The following MCU variants were observed in gnomAD, a reference collection of about 807,000 sequenced individuals.
MCU encodes the protein calcium uniporter protein, mitochondrial.
In MCU, 12 loss-of-function variants were observed where a neutral mutation model predicts 45.2. That is an observed-to-expected ratio of 0.27 (90% CI 0.17 to 0.43). The LOEUF (loss-of-function observed/expected upper bound fraction) is 0.43, where lower values mean the gene tolerates loss of function less well. Ranked by LOEUF, MCU falls within the 20% of genes least tolerant of loss-of-function variation. MCU has a pLI of 1.00. For missense variants in MCU, 324 were observed against 436.7 expected (o/e 0.74, Z 2.30); for synonymous variants, 160 against 165.1 (o/e 0.97, Z 0.24).
chr10:72,763,087 G>C (rs1343729805), intron 1 of MCU, among the ~76,000 whole-genome samples: 1 of 152,038 alleles, frequency 6.6e-6, no homozygotes, highest in Non-Finnish European at 1.5e-5. Flanking sequence ...TGGTTCTCTG[G>C]AGCTGGAACA....
chr10:72,704,577 C>T (rs1842795358), intron 1 of MCU, among the ~76,000 whole-genome samples: 1 of 152,070 alleles, frequency 6.6e-6, no homozygotes, highest in African/African-American at 2.4e-5. Context: ...CTTCCTCTGT[C>T]ACCCAGGCCG....
rs150076629 is a variant in MCU, at chr10:72,842,040, C to T, written c.220+7612C>T. Among the ~76,000 whole-genome samples, 4 of 152,250 alleles carry T rather than the reference C, an allele frequency of 2.6e-5. No individual in the cohort carries two copies. In the East Asian group the frequency reaches 7.7e-4, roughly 29 times the overall value. ...GGCAGAAAAATCATAAACTCTTAGC[C>T]AAGCTATTGCTCTGAGTAAGGTAAA... On this transcript the variant is annotated intron_variant, in intron 2 of 7. Transcript: ENST00000373053.
intron 1 of MCU, among the ~76,000 whole-genome samples, chr10:72,805,157 TTCTGTC>T (rs1335757550): frequency 1.5e-4 from 21 of 138,010 alleles, no homozygotes; most frequent in African/African-American, 5.2e-4. Context: ...CTTTCTTTCT[TTCTGTC>T]TCTCTCTCTC....
At chr10:72,877,269 A>G (rs1257418671) in intron 6 of MCU, among the ~76,000 whole-genome samples, 1 of 152,170 alleles carries the variant, frequency 6.6e-6, no homozygotes, top group African/African-American at 2.4e-5. Flanking sequence ...TGCTCAGTAA[A>G]TGATTGTTGC....
chr10:72,709,328 A>G (rs1341921445), intron 1 of MCU, among the ~76,000 whole-genome samples: 1 of 152,228 alleles, frequency 6.6e-6, no homozygotes, highest in Non-Finnish European at 1.5e-5. Context: ...TCATTTTAAA[A>G]CAATACAGAT....
intron 6 of MCU, among the ~76,000 whole-genome samples, chr10:72,881,755 G>A (rs1485590016): frequency 6.6e-6 from 1 of 152,182 alleles, no homozygotes; most frequent in Non-Finnish European, 1.5e-5. Context: ...GCCAATAATA[G>A]ATTAAATGGA....
intron 1 of MCU, among the ~76,000 whole-genome samples, chr10:72,717,706 C>T (rs1003009799): frequency 2.0e-5 from 3 of 152,110 alleles, no homozygotes; most frequent in African/African-American, 7.2e-5. Flanking sequence ...ATGCTTTCCT[C>T]ATATATCTAT....
At chr10:72,827,119 TAGTTAG>T (rs1166288541) in intron 1 of MCU, among the ~76,000 whole-genome samples, 1 of 152,190 alleles carries the variant, frequency 6.6e-6, no homozygotes, top group Non-Finnish European at 1.5e-5. Flanking sequence ...AACGGGGGAA[TAGTTAG>T]AGTTTCTGTT....
intron 1 of MCU, among the ~76,000 whole-genome samples, chr10:72,765,801 A>G (rs1377280317): frequency 6.6e-6 from 1 of 151,494 alleles, no homozygotes; most frequent in Non-Finnish European, 1.5e-5. Flanking sequence ...AAAAAAAAAA[A>G]AAAAAAAGAA....
chr10:72,846,549 T>C (rs947268429), intron 2 of MCU, among the ~76,000 whole-genome samples: 1 of 152,212 alleles, frequency 6.6e-6, no homozygotes, highest in Non-Finnish European at 1.5e-5. Context: ...AAGTAACCCT[T>C]ATTTTACTTA....
At chr10:72,830,697 C>T (rs1033074348) in intron 1 of MCU, among the ~76,000 whole-genome samples, 13 of 152,190 alleles carry the variant, frequency 8.5e-5, no homozygotes, top group African/African-American at 2.4e-5. Context: ...GATAAAAATA[C>T]AGACCCCATC....
intron 1 of MCU, among the ~76,000 whole-genome samples, chr10:72,784,075 G>A (rs143666336): frequency 1.1e-4 from 17 of 152,296 alleles, no homozygotes; most frequent in South Asian, 8.3e-4. Flanking sequence ...GCCGGGCACC[G>A]TTGGATGGTG....
At chr10:72,698,604 A>G (rs933052685) in intron 1 of MCU, among the ~76,000 whole-genome samples, 2 of 152,172 alleles carry the variant, frequency 1.3e-5, no homozygotes, top group African/African-American at 2.4e-5. Flanking sequence ...TCTCGGGTTC[A>G]AGCAATTCTT....
At chr10:72,879,817 G>A (rs996599131) in intron 6 of MCU, among the ~76,000 whole-genome samples, 1 of 152,094 alleles carries the variant, frequency 6.6e-6, no homozygotes, top group African/African-American at 2.4e-5. Context: ...AGGCTGAGGC[G>A]GGCAGATCAT....
intron 1 of MCU, among the ~76,000 whole-genome samples, chr10:72,819,462 A>C (rs1844677068): frequency 6.6e-6 from 1 of 152,164 alleles, no homozygotes; most frequent in Non-Finnish European, 1.5e-5. Context: ...ATTTTTTATC[A>C]GTAAGTTTGG....
intron 1 of MCU, among the ~76,000 whole-genome samples, chr10:72,822,173 G>A (rs575739088): frequency 2.0e-5 from 3 of 152,296 alleles, no homozygotes; most frequent in Non-Finnish European, 4.4e-5. Flanking sequence ...CTAGGAGGCT[G>A]AGGCAGGAGA....
chr10:72,841,776 A>G (rs979866646), intron 2 of MCU, among the ~76,000 whole-genome samples: 5 of 152,154 alleles, frequency 3.3e-5, no homozygotes, highest in Middle Eastern at 3.2e-3. Flanking sequence ...TTAGGCCTAA[A>G]AGTTTTGCCT....
At chr10:72,839,411 GCTCT>G (rs1845012513) in intron 2 of MCU, among the ~76,000 whole-genome samples, 2 of 151,872 alleles carry the variant, frequency 1.3e-5, no homozygotes, top group Non-Finnish European at 2.9e-5. Flanking sequence ...CCACTAATTT[GCTCT>G]CTGTCTCTGT....
chr10:72,702,736 G>A (rs1224453773), intron 1 of MCU, among the ~76,000 whole-genome samples: 1 of 152,166 alleles, frequency 6.6e-6, no homozygotes, highest in Non-Finnish European at 1.5e-5. Context: ...CAACGCTTTG[G>A]GAGGCTGAGG....
Sources: gnomAD v4.1 joint callset for allele counts (sites outside exome capture counted in the v4.1 genomes callset) on GRCh38, gnomAD v4.1.1 for gene constraint, MANE v1.5 for transcripts, NCBI Gene and HGNC (gene_info 2026-07-23, HGNC 2026-07-21) for gene names.